The following PCDH15 variants were observed in gnomAD, a reference collection of about 807,000 sequenced individuals.
PCDH15 encodes the protein protocadherin-15.
Under a neutral mutation model 178.5 loss-of-function variants are expected in PCDH15, and 129 were observed. That is an observed-to-expected ratio of 0.72 (90% CI 0.63 to 0.84). The LOEUF (loss-of-function observed/expected upper bound fraction) is 0.84, where lower values mean the gene tolerates loss of function less well. PCDH15 is among the 40% of genes least tolerant of loss of function. The probability of loss-of-function intolerance (pLI) is 0.00; values close to 1 mark genes in which losing one functional copy is unlikely to be tolerated. For synonymous variants in PCDH15, 800 were observed against 732.0 expected (o/e 1.09, Z -1.50); for missense variants, 2,230 against 2,099.9 (o/e 1.06, Z -1.21).
intron 2 of PCDH15, among the ~76,000 whole-genome samples, chr10:54,978,134 A>T (rs1245150926): frequency 6.6e-6 from 1 of 152,186 alleles, no homozygotes; most frequent in East Asian, 1.9e-4. Flanking sequence ...ACCTAAATGC[A>T]TGAAATAATA....
chr10:54,720,482 G>A (rs10763131), intron 1 of PCDH15, among the ~76,000 whole-genome samples: 86,733 of 150,604 alleles, frequency 0.58, 26,348 homozygotes, highest in Middle Eastern at 0.72. Flanking sequence ...AAATCTACAA[G>A]CCAAAAGAGA....
At chr10:55,437,225 G>A (rs1267295303) in intron 2 of PCDH15, among the ~76,000 whole-genome samples, 7 of 43,360 alleles carry the variant, frequency 1.6e-4, no homozygotes, top group Admixed American at 1.1e-3. Flanking sequence ...AATTTAATTG[G>A]AGAAATAAAT....
At chr10:55,151,511 T>C (rs1245345949) in intron 2 of PCDH15, among the ~76,000 whole-genome samples, 3 of 152,068 alleles carry the variant, frequency 2.0e-5, no homozygotes, top group South Asian at 2.1e-4. Context: ...ATTAGTTAAC[T>C]CTTTTCCAGT....
chr10:54,978,339 T>C (rs981956991), intron 2 of PCDH15, among the ~76,000 whole-genome samples: 2 of 152,118 alleles, frequency 1.3e-5, no homozygotes, highest in African/African-American at 4.8e-5. Context: ...GAGTAGACTA[T>C]GTATTATAAC....
chr10:53,824,423 A>C (rs1331884599), intron 32 of PCDH15, among the ~76,000 whole-genome samples: 1 of 152,190 alleles, frequency 6.6e-6, no homozygotes, highest in Non-Finnish European at 1.5e-5. Context: ...TAAAAAAGAA[A>C]TATTCTGAAT....
At chr10:55,333,050 GAA>G (rs1844253938) in intron 2 of PCDH15, among the ~76,000 whole-genome samples, 1 of 152,054 alleles carries the variant, frequency 6.6e-6, no homozygotes, top group Non-Finnish European at 1.5e-5. Context: ...TAAAACACAT[GAA>G]AGTCACTACT....
At chr10:54,077,559 C>T (rs1348666103) in intron 17 of PCDH15, among the ~76,000 whole-genome samples, 1 of 152,044 alleles carries the variant, frequency 6.6e-6, no homozygotes, top group East Asian at 1.9e-4. Context: ...TATTGGTTGA[C>T]CTGAATGCTT....
At chr10:55,250,660 C>T (rs1841812811) in intron 1 of PCDH15, among the ~76,000 whole-genome samples, 1 of 151,104 alleles carries the variant, frequency 6.6e-6, no homozygotes, top group South Asian at 2.1e-4. Flanking sequence ...CCTCACCCTC[C>T]CGAGTAGCTG....
intron 2 of PCDH15, among the ~76,000 whole-genome samples, chr10:55,064,676 A>C (rs937990072): frequency 1.3e-5 from 2 of 152,076 alleles, no homozygotes; most frequent in Non-Finnish European, 2.9e-5. Flanking sequence ...ATGAGCCAAA[A>C]GACCTAGGAT....
chr10:54,994,729 T>C (rs767214132), intron 2 of PCDH15, among the ~76,000 whole-genome samples: 2 of 152,198 alleles, frequency 1.3e-5, no homozygotes, highest in Non-Finnish European at 2.9e-5. Flanking sequence ...TAACTTCATA[T>C]ACAATAGCCA....
At chr10:54,358,639 G>C (rs963770386) in intron 5 of PCDH15, among the ~76,000 whole-genome samples, 2 of 151,988 alleles carry the variant, frequency 1.3e-5, no homozygotes, top group African/African-American at 4.8e-5. Context: ...AATACCATTT[G>C]ACCCAGCCAT....
chr10:54,362,420 T>A (rs1171698945), intron 5 of PCDH15, among the ~76,000 whole-genome samples: 2 of 152,062 alleles, frequency 1.3e-5, no homozygotes, highest in African/African-American at 4.8e-5. Context: ...TCTATATACT[T>A]GTTATGTCAA....
Position 54,185,289 on chromosome 10 carries a change from G to A in PCDH15, c.1306-21C>T, listed in dbSNP as rs181781496. 646 of 1,612,446 alleles carry A rather than the reference G, an allele frequency of 4.0e-4. 1 individual carries two copies. In the African/African-American group the frequency reaches 7.5e-3, roughly 19 times the overall value. Reference sequence around the variant, plus strand: ...TTTGTCTTTGAAAAAAAATGACATCGTTTCAAACGTTGAATAAATAATGTA... The same window carrying A: ...TTTGTCTTTGAAAAAAAATGACATCATTTCAAACGTTGAATAAATAATGTA... On this transcript the variant is annotated intron_variant, in intron 11 of 37. Transcript: ENST00000644397.
intron 8 of PCDH15, among the ~76,000 whole-genome samples, chr10:54,303,255 AT>A (rs768535540): frequency 1.6e-4 from 24 of 151,194 alleles, no homozygotes; most frequent in East Asian, 1.2e-3. Context: ...CTCTGTATGC[AT>A]TTTTTTTTCT....
intron 2 of PCDH15, among the ~76,000 whole-genome samples, chr10:55,447,409 T>C (rs905521702): frequency 2.0e-5 from 3 of 151,956 alleles, no homozygotes; most frequent in Non-Finnish European, 4.4e-5. Flanking sequence ...AACGTTTAAG[T>C]CCCAGGGATG....
At chr10:54,211,061 A>C (rs773148510) in intron 10 of PCDH15, among the ~76,000 whole-genome samples, 1 of 152,142 alleles carries the variant, frequency 6.6e-6, no homozygotes, top group Non-Finnish European at 1.5e-5. Flanking sequence ...AACTAATAAT[A>C]CTTGAAAATA....
At chr10:55,546,342 T>C (rs924897297) in intron 2 of PCDH15, among the ~76,000 whole-genome samples, 2 of 152,172 alleles carry the variant, frequency 1.3e-5, no homozygotes, top group Non-Finnish European at 2.9e-5. Flanking sequence ...GTACAGATAC[T>C]ATTTCTCATT....
intron 6 of PCDH15, among the ~76,000 whole-genome samples, chr10:54,340,160 G>GA (rs1194497376): frequency 6.6e-6 from 1 of 152,136 alleles, no homozygotes; most frequent in Non-Finnish European, 1.5e-5. Flanking sequence ...CATCAGCCAT[G>GA]AAAGGATAGG....
chr10:55,307,266 G>C (rs899457840), intron 1 of PCDH15, among the ~76,000 whole-genome samples: 1 of 151,962 alleles, frequency 6.6e-6, no homozygotes, highest in Non-Finnish European at 1.5e-5. Context: ...ACTTTGGGAG[G>C]CCGAGGCAGG....
Sources: gnomAD v4.1 joint callset for allele counts (sites outside exome capture counted in the v4.1 genomes callset) on GRCh38, gnomAD v4.1.1 for gene constraint, MANE v1.5 for transcripts, NCBI Gene and HGNC (gene_info 2026-07-23, HGNC 2026-07-21) for gene names.